The following IDNK variants were observed in gnomAD, a reference collection of about 807,000 sequenced individuals.
IDNK encodes gluconokinase.
In IDNK, 9 loss-of-function variants were observed where a neutral mutation model predicts 13.0. The ratio of observed to expected loss-of-function variants is 0.69; its 90% CI spans 0.42 to 1.21. The LOEUF is 1.21. Among genes scored for constraint, IDNK ranks in the 50% most tolerant of loss-of-function variants. The pLI is 0.00. For missense variants in IDNK, 210 were observed against 237.8 expected (o/e 0.88, Z 0.77); for synonymous variants, 92 against 94.9 (o/e 0.97, Z 0.18).
rs564339794 is a variant in IDNK at position 83,627,705 on chromosome 9, G to C, written c.51-476G>C. Among the ~76,000 whole-genome samples, 20 of 152,220 alleles carry C rather than the reference G, an allele frequency of 1.3e-4. No homozygotes were observed. In the East Asian group the frequency reaches 3.9e-3, roughly 29 times the overall value. On this transcript the variant is annotated intron_variant, in intron 1 of 4. Coordinates refer to ENST00000376419, the MANE Select transcript of IDNK (RefSeq NM_001001551.4). ...CCCATGTCCTTTATTTTACGAGTGT[G>C]TCTCTTTTAAACTCCAAAAATGTTT...
intron 3 of IDNK, among the ~76,000 whole-genome samples, chr9:83,640,226 T>G (rs1190974555): frequency 6.6e-6 from 1 of 152,048 alleles, no homozygotes; most frequent in Admixed American, 6.6e-5. Flanking sequence ...TTCAGATGAG[T>G]TTTATCAAAC....
At chr9:83,633,508 T>C (rs904296655) in intron 3 of IDNK, among the ~76,000 whole-genome samples, 7 of 152,204 alleles carry the variant, frequency 4.6e-5, no homozygotes, top group African/African-American at 1.7e-4. Context: ...TTATCCCCAG[T>C]GCTCACTCAG....
At chr9:83,631,931 A>T (rs1408554529) in intron 3 of IDNK, among the ~76,000 whole-genome samples, 1 of 151,954 alleles carries the variant, frequency 6.6e-6, no homozygotes, top group Non-Finnish European at 1.5e-5. Flanking sequence ...AATAGTCTTC[A>T]ACTTCAAAGT....
At chr9:83,627,355 T>A (rs1410880341) in intron 1 of IDNK, among the ~76,000 whole-genome samples, 1 of 152,210 alleles carries the variant, frequency 6.6e-6, no homozygotes, top group African/African-American at 2.4e-5. Context: ...AGGCCATGTG[T>A]CAGTGAGCTT....
chr9:83,637,470 T>C (rs543832559), intron 3 of IDNK, among the ~76,000 whole-genome samples: 1 of 152,328 alleles, frequency 6.6e-6, no homozygotes, highest in African/African-American at 2.4e-5. Flanking sequence ...GATAAATTAC[T>C]GTGAATAAGA....
At position 83,637,332 on chromosome 9, in the gene IDNK, A is replaced by C. The variant is rs977776346; in HGVS notation, c.169-4216A>C. Among the ~76,000 whole-genome samples the C allele has an allele frequency of 1.1e-4, 17 of 152,246 alleles. 1 individual carries two copies. The highest frequency in any genetic ancestry group is 4.1e-4 in the African/African-American group (17 of 41,462). On this transcript the variant is annotated intron_variant, in intron 3 of 4. Transcript: ENST00000376419. Reference sequence around the variant, plus strand: ...TAAAAATAATCTTGTATTTGATATGAAGAAAAAGAAATATTATTTCTAATT... The same window carrying C: ...TAAAAATAATCTTGTATTTGATATGCAGAAAAAGAAATATTATTTCTAATT...
chr9:83,623,321 G>A, intron 1 of IDNK, 100 bp downstream of exon 1: 5 of 1,096,450 alleles, frequency 4.6e-6, no homozygotes, highest in Non-Finnish European at 6.2e-6. Flanking sequence ...GGGTCTTGGG[G>A]ACCCCCCACC....
chr9:83,623,197 T>C lies in IDNK; in HGVS notation c.26T>C (p.Val9Ala). ...ATGGCGGCGCCGGGCGCGCTGCTGG[T>C]GATGGGCGTGAGCGGCTCGGGGAAG... MAAPGALLVMGVSGSGKST... is the reference protein window; with the variant it reads MAAPGALLAMGVSGSGKST... The change falls in exon 1 of 5, where the codon GTG (valine) becomes GCG (alanine). Residue 9 changes from valine to alanine, a missense_variant. Transcript: ENST00000376419. 1 of 1,412,394 alleles carries C rather than the reference T, an allele frequency of 7.1e-7. No homozygotes were observed. 87.5% of individuals were successfully genotyped at this position (1,412,394 alleles called of 1,614,324 possible). A position where few individuals can be genotyped will look rare whatever the true frequency, so the allele number is the denominator to read the frequency against.
At chr9:83,629,986 T>C (rs996259867) in intron 3 of IDNK, among the ~76,000 whole-genome samples, 19 of 152,312 alleles carry the variant, frequency 1.2e-4, no homozygotes, top group African/African-American at 4.6e-4. Flanking sequence ...TCAGGAGAGA[T>C]GAGGGCAGGT....
chr9:83,631,068 T>A (rs961267826), intron 3 of IDNK, among the ~76,000 whole-genome samples: 1 of 152,148 alleles, frequency 6.6e-6, no homozygotes, highest in Non-Finnish European at 1.5e-5. Context: ...ACTGAAGATA[T>A]GGGTCACAGC....
intron 4 of IDNK, 77 bp from the exon 5 acceptor site, chr9:83,643,352 C>A: frequency 1.7e-6 from 2 of 1,175,586 alleles, no homozygotes; most frequent in Non-Finnish European, 2.4e-6. Context: ...TAGAGTCCTG[C>A]AACTAGAATT....
intron 3 of IDNK, among the ~76,000 whole-genome samples, chr9:83,635,551 A>C (rs764426302): frequency 2.6e-5 from 4 of 152,236 alleles, no homozygotes; most frequent in Non-Finnish European, 5.9e-5. Flanking sequence ...TGGGACAGAC[A>C]TGCTTCCTCT....
At chr9:83,633,264 A>G (rs1034808805) in intron 3 of IDNK, among the ~76,000 whole-genome samples, 5 of 152,166 alleles carry the variant, frequency 3.3e-5, no homozygotes, top group African/African-American at 1.2e-4. Context: ...GCGTGAACCC[A>G]GGAGGTGGAG....
At chr9:83,632,372 G>A (rs2811908) in intron 3 of IDNK, among the ~76,000 whole-genome samples, 68,858 of 151,666 alleles carry the variant, frequency 0.45, 16,342 homozygotes, top group Middle Eastern at 0.59. Context: ...TCTTCGTAGA[G>A]CATTCATTGT....
chr9:83,628,173 C>T lies in IDNK; in HGVS notation c.51-8C>T. 1 of 1,550,554 alleles carries T rather than the reference C, an allele frequency of 6.4e-7. No individual in the cohort carries two copies. The highest frequency in any genetic ancestry group is 8.7e-7 in the Non-Finnish European group (1 of 1,146,966). ...GCAGTAACGGGAACATCTGTGTCCT[C>T]TCCACAGATCCACCGTGGGCGCCCT... On this transcript the variant is annotated splice_region_variant and splice_polypyrimidine_tract_variant and intron_variant, in intron 1 of 4. Coordinates refer to ENST00000376419, the MANE Select transcript of IDNK (RefSeq NM_001001551.4).
rs570003178 is a variant in IDNK, at chr9:83,628,975, T to A, written c.168+16T>A. The A allele has an allele frequency of 2.6e-5, 41 of 1,600,516 alleles. 1 individual carries two copies. In the South Asian group the frequency reaches 4.3e-4, roughly 17 times the overall value. ...CAATGACCAGGTAACAATTGCTGTC[T>A]GTGTCCATCACACATATTCCACCTG... On this transcript the variant is annotated intron_variant, in intron 3 of 4. Transcript: ENST00000376419.
Position 83,644,058 on chromosome 9 carries a change from C to T in IDNK, c.*278C>T, listed in dbSNP as rs1459139906. ...AAATTCTGTAATCAATGCTGGAAAT[C>T]GTTACATTGTTTAGAACATTCTTGC... On this transcript the variant is annotated 3_prime_UTR_variant, in exon 5 of 5. Coordinates refer to ENST00000376419, the MANE Select transcript of IDNK (RefSeq NM_001001551.4). 3 of 352,704 alleles carry T rather than the reference C, an allele frequency of 8.5e-6. No homozygotes were observed. Among genetic ancestry groups the T allele is most frequent in the Admixed American group, 4.4e-5 (1 of 22,478 alleles). 21.8% of individuals were successfully genotyped at this position (352,704 alleles called of 1,614,324 possible).
chr9:83,623,509 T>TGGAGGCC, intron 1 of IDNK: 1 of 389,172 alleles, frequency 2.6e-6, no homozygotes, highest in Non-Finnish European at 4.7e-6. Context: ...AACAGGCGGC[T>TGGAGGCC]GCGGGGCCGC....
chr9:83,639,380 T>C (rs924058399), intron 3 of IDNK, among the ~76,000 whole-genome samples: 1 of 152,174 alleles, frequency 6.6e-6, no homozygotes, highest in Non-Finnish European at 1.5e-5. Flanking sequence ...AGCTAGTTGC[T>C]CAGTTCAAGT....
Sources: allele counts gnomAD v4.1 joint callset (sites outside exome capture counted in the v4.1 genomes callset), GRCh38; gene constraint gnomAD v4.1.1; transcripts MANE v1.5; gene names NCBI Gene and HGNC (gene_info 2026-07-23, HGNC 2026-07-21).